Variants in SPATA13 observed in about 807,000 individuals in gnomAD.
SPATA13 encodes spermatogenesis associated 13.
In SPATA13, 50 loss-of-function variants were observed where a neutral mutation model predicts 104.0. The ratio of observed to expected loss-of-function variants is 0.48; its 90% CI spans 0.38 to 0.61. The LOEUF is 0.61. Among genes scored for constraint, SPATA13 ranks in the 20% least tolerant of loss-of-function variants. The probability of loss-of-function intolerance (pLI) is 0.00; values close to 1 mark genes in which losing one functional copy is unlikely to be tolerated. For synonymous variants in SPATA13, 606 were observed against 667.5 expected, an observed-to-expected ratio of 0.91 and a Z score of 1.42; for missense variants, 1,524 against 1,690.6, an observed-to-expected ratio of 0.90 and a Z score of 1.73.
chr13:24,015,820 G>A (rs562375098), intron 2 of SPATA13, among the ~76,000 whole-genome samples: 8 of 147,924 alleles, frequency 5.4e-5, no homozygotes, highest in Admixed American at 1.3e-4. Context: ...CTGGTGACAC[G>A]TCATAGTCCC....
Position 24,051,120 on chromosome 13 carries a change from C to G in SPATA13, c.-112+33419C>G, listed in dbSNP as rs1303925714. Among the ~76,000 whole-genome samples, 1 of 152,178 alleles carries G rather than the reference C, an allele frequency of 6.6e-6. No homozygotes were observed. Among genetic ancestry groups the G allele is most frequent in the African/African-American group, 2.4e-5 (1 of 41,444 alleles). ...CCCACCTTTTATGAATGTCACTGAG[C>G]AAATGAACTCCAAGTGAGCACTGCT... On this transcript the variant is annotated intron_variant, in intron 3 of 14. Coordinates refer to the SPATA13 transcript ENST00000424834. This position sits in a 1 kb window ranked among gnomAD's most constrained non-coding sequence, Gnocchi z 4.2.
At chr13:24,134,786 A>G (rs958444128) in intron 3 of SPATA13, among the ~76,000 whole-genome samples, 1 of 152,006 alleles carries the variant, frequency 6.6e-6, no homozygotes, top group Non-Finnish European at 1.5e-5. Context: ...GGAGAGCTTC[A>G]CTCGTTGTTA....
intron 3 of SPATA13, among the ~76,000 whole-genome samples, chr13:24,154,971 C>T (rs1163768369): frequency 1.3e-5 from 2 of 152,172 alleles, no homozygotes; most frequent in Non-Finnish European, 2.9e-5. Context: ...GATTCTCATG[C>T]CTCAGCCTCC....
intron 10 of SPATA13, 77 bp from the exon 11 acceptor site, chr13:24,297,286 A>G: frequency 1.3e-6 from 2 of 1,512,714 alleles, no homozygotes; most frequent in Non-Finnish European, 1.8e-6. Flanking sequence ...CGATCCTCCC[A>G]CCTTGGCTTC....
At chr13:24,111,265 C>G (rs1054706310) in intron 3 of SPATA13, among the ~76,000 whole-genome samples, 3 of 152,068 alleles carry the variant, frequency 2.0e-5, no homozygotes, top group Admixed American at 1.3e-4. Context: ...AAAATTCTAA[C>G]AAACTATAAT....
chr13:24,212,161 C>T (rs1871056863), intron 1 of SPATA13, among the ~76,000 whole-genome samples: 2 of 151,988 alleles, frequency 1.3e-5, no homozygotes, highest in African/African-American at 4.8e-5. Context: ...GCCTGTAGTC[C>T]CAGTACTTTG....
At chr13:24,116,783 A>G (rs530152594) in intron 3 of SPATA13, among the ~76,000 whole-genome samples, 16 of 134,868 alleles carry the variant, frequency 1.2e-4, no homozygotes, top group East Asian at 6.5e-4. Context: ...CCCCCCCCCA[A>G]TGTGCTGATG....
At chr13:24,256,206 C>G (rs1873780440) in intron 4 of SPATA13, among the ~76,000 whole-genome samples, 1 of 152,172 alleles carries the variant, frequency 6.6e-6, no homozygotes. Context: ...GTCAAGTATT[C>G]TCAAAATCTT....
At chr13:24,040,038 G>A (rs1320099511) in intron 3 of SPATA13, among the ~76,000 whole-genome samples, 10 of 152,186 alleles carry the variant, frequency 6.6e-5, no homozygotes, top group East Asian at 3.8e-4. Context: ...CACAAGCACC[G>A]TTTGGTGAGG....
chr13:24,138,740 C>T (rs373482395), intron 3 of SPATA13, among the ~76,000 whole-genome samples: 1 of 148,004 alleles, frequency 6.8e-6, no homozygotes, highest in East Asian at 2.0e-4. Flanking sequence ...TGTGCCACCA[C>T]CCCTGGCTAA....
intron 4 of SPATA13, among the ~76,000 whole-genome samples, chr13:24,280,826 T>TCA (rs1875449756): frequency 6.6e-6 from 1 of 151,468 alleles, no homozygotes; most frequent in South Asian, 2.1e-4. Context: ...ACCCCCAAAC[T>TCA]CACACACCAG....
chr13:24,098,981 A>G (rs1162100930), intron 3 of SPATA13, among the ~76,000 whole-genome samples: 1 of 152,012 alleles, frequency 6.6e-6, no homozygotes, highest in Non-Finnish European at 1.5e-5. Context: ...ATGTGCCTAT[A>G]ATCCCAGCTT....
At chr13:24,196,070 C>A (rs904702998) in intron 1 of SPATA13, among the ~76,000 whole-genome samples, 7 of 152,022 alleles carry the variant, frequency 4.6e-5, no homozygotes, top group African/African-American at 1.7e-4. Context: ...TTCTTTGGTG[C>A]CAAGAAATTC....
At chr13:24,129,101 A>G (rs1051336516) in intron 3 of SPATA13, among the ~76,000 whole-genome samples, 3 of 152,230 alleles carry the variant, frequency 2.0e-5, no homozygotes, top group Non-Finnish European at 2.9e-5. Flanking sequence ...TAATGATCCT[A>G]TACTTTAAAG....
At chr13:24,046,335 C>T (rs1435736485) in intron 3 of SPATA13, among the ~76,000 whole-genome samples, 1 of 149,926 alleles carries the variant, frequency 6.7e-6, no homozygotes, top group Non-Finnish European at 1.5e-5. Flanking sequence ...GCTCTGTCAC[C>T]AGGCTGGAGT....
At chr13:24,282,472 T>C (rs1469501305) in intron 4 of SPATA13, among the ~76,000 whole-genome samples, 1 of 152,198 alleles carries the variant, frequency 6.6e-6, no homozygotes, top group Non-Finnish European at 1.5e-5. Flanking sequence ...TTTTGTTAAA[T>C]CTCCAGGGAA....
rs143312914 is a variant in SPATA13, at chr13:24,127,559, A to G, written c.-111-95260A>G. Among the ~76,000 whole-genome samples, 447 of 152,350 alleles carry G rather than the reference A, an allele frequency of 2.9e-3. 4 individuals are homozygous for G. Among genetic ancestry groups the G allele is most frequent in the African/African-American group, 0.01 (418 of 41,588 alleles). ...GGAGACAGAAGATCTCCAGCACAGC[A>G]AGAGCTCAAGAAATGAGATGACTGT... On this transcript the variant is annotated intron_variant, in intron 3 of 14. Transcript: ENST00000424834.
chr13:24,030,039 C>T (rs932951413), intron 3 of SPATA13, among the ~76,000 whole-genome samples: 1 of 144,302 alleles, frequency 6.9e-6, no homozygotes, highest in South Asian at 2.3e-4. Context: ...TATGCCCTAC[C>T]TTCTCCTAAC....
intron 4 of SPATA13, chr13:24,270,873 G>T: frequency 1.2e-6 from 2 of 1,612,828 alleles, no homozygotes; most frequent in Non-Finnish European, 1.7e-6. Flanking sequence ...AGCTAGAGGG[G>T]AGATAGCAAG....
Sources: gnomAD v4.1 joint callset for allele counts (sites outside exome capture counted in the v4.1 genomes callset) on GRCh38, gnomAD v4.1.1 for gene constraint, Gnocchi (gnomAD v3.1) non-coding constraint, MANE v1.5 for transcripts, NCBI Gene and HGNC (gene_info 2026-07-23, HGNC 2026-07-21) for gene names.